ZNF79: variants seen among roughly 807,000 people sequenced by gnomAD.
ZNF79 encodes ZNFpT7.
ZNF79 carries 13 observed loss-of-function variants against 14.9 expected under a neutral mutation model. The observed-to-expected ratio is 0.87, with a 90% confidence interval of 0.57 to 1.38. The LOEUF (loss-of-function observed/expected upper bound fraction) is 1.38, where lower values mean the gene tolerates loss of function less well. Ranked by LOEUF, ZNF79 falls within the 40% of genes most tolerant of loss-of-function variation. The probability of loss-of-function intolerance (pLI) is 0.00; values close to 1 mark genes in which losing one functional copy is unlikely to be tolerated. For missense variants in ZNF79, 631 were observed against 630.6 expected (o/e 1.00, Z -0.01); for synonymous variants, 223 against 235.1 (o/e 0.95, Z 0.47).
At chr9:127,426,643 G>A (rs1477538011) in intron 1 of ZNF79, among the ~76,000 whole-genome samples, 3 of 152,176 alleles carry the variant, frequency 2.0e-5, no homozygotes, top group Non-Finnish European at 4.4e-5. Flanking sequence ...GACCTTTTGT[G>A]TCTCGCTTAG....
intron 4 of ZNF79, among the ~76,000 whole-genome samples, chr9:127,442,501 A>G (rs903732009): frequency 1.8e-4 from 28 of 152,156 alleles, no homozygotes; most frequent in African/African-American, 5.6e-4. Flanking sequence ...TGGAGCTTGC[A>G]GGACTCTGGG....
chr9:127,432,241 G>A (rs1045510447), intron 2 of ZNF79, among the ~76,000 whole-genome samples: 42 of 149,928 alleles, frequency 2.8e-4, no homozygotes, highest in African/African-American at 9.8e-4. Flanking sequence ...TCCGCCTCCC[G>A]GGTTCATGCC....
At chr9:127,430,361 A>G (rs984144803) in intron 2 of ZNF79, among the ~76,000 whole-genome samples, 1 of 152,160 alleles carries the variant, frequency 6.6e-6, no homozygotes, top group African/African-American at 2.4e-5. Flanking sequence ...ATGATGTACC[A>G]TCACTCAGGT....
At chr9:127,443,818 G>A (rs754708443) in intron 4 of ZNF79, among the ~76,000 whole-genome samples, 6 of 150,108 alleles carry the variant, frequency 4.0e-5, no homozygotes, top group African/African-American at 7.4e-5. Flanking sequence ...GGAGAATGGC[G>A]TGAACCCAGG....
At chr9:127,444,001 A>T (rs1303998237) in intron 4 of ZNF79, 28 bp from the exon 5 acceptor site, 1 of 1,542,510 alleles carries the variant, frequency 6.5e-7, no homozygotes, top group Admixed American at 1.9e-5. Context: ...CACCAAGGGA[A>T]CACAACAGCT....
Position 127,444,890 on chromosome 9 carries a change from C to G in ZNF79, c.1190C>G (p.Ala397Gly). The change falls in exon 5 of 5, where the codon GCC (alanine) becomes GGC (glycine). Residue 397 changes from alanine to glycine, a missense_variant. Transcript: ENST00000342483. ...TACAAGTGCAGCGAGTGTGGGAAGG[C>G]CTTCAGCCAGAGTACCAATCTCATA... ...KPYKCSECGK[A>G]FSQSTNLIIH... 6.2e-7 allele frequency: 1 copy of G among 1,614,170 alleles called. No homozygotes were observed.
chr9:127,434,805 C>T (rs530049789), intron 2 of ZNF79, among the ~76,000 whole-genome samples: 6 of 152,262 alleles, frequency 3.9e-5, no homozygotes, highest in South Asian at 2.1e-4. Context: ...CGCACCACCA[C>T]GCCCAACTAA....
At chr9:127,440,658 T>C (rs547689310) in intron 4 of ZNF79, among the ~76,000 whole-genome samples, 2 of 152,260 alleles carry the variant, frequency 1.3e-5, no homozygotes, top group South Asian at 2.1e-4. Flanking sequence ...TTCAGCGTTA[T>C]GTGTGAAGAA....
chr9:127,438,972 C>A (rs1159068569), intron 4 of ZNF79, among the ~76,000 whole-genome samples: 2 of 151,988 alleles, frequency 1.3e-5, no homozygotes, highest in Non-Finnish European at 2.9e-5. Context: ...ATTAGCTGGG[C>A]ATGGTAGCAC....
At chr9:127,426,326 T>G (rs1833752025) in intron 1 of ZNF79, among the ~76,000 whole-genome samples, 1 of 151,966 alleles carries the variant, frequency 6.6e-6, no homozygotes, top group Non-Finnish European at 1.5e-5. Flanking sequence ...TCTGTCACTA[T>G]GGATTTGCCT....
At chr9:127,430,953 A>G (rs1833849424) in intron 2 of ZNF79, among the ~76,000 whole-genome samples, 1 of 151,914 alleles carries the variant, frequency 6.6e-6, no homozygotes, top group South Asian at 2.1e-4. Flanking sequence ...GTTATTTTTT[A>G]CTTTGTCATA....
chr9:127,433,025 A>G (rs1037211747), intron 2 of ZNF79, among the ~76,000 whole-genome samples: 4 of 152,104 alleles, frequency 2.6e-5, no homozygotes, highest in African/African-American at 9.7e-5. Flanking sequence ...CAGGTGATCC[A>G]CCTGCTTTGG....
At position 127,435,141 on chromosome 9, in the gene ZNF79, AGGT is replaced by A. The variant is rs1564233897; in HGVS notation, c.159_161del (p.Arg53_Cys54delinsSer). 38 of 1,613,168 alleles carry A rather than the reference AGGT, an allele frequency of 2.4e-5. No individual in the cohort carries two copies. Among genetic ancestry groups the A allele is most frequent in the Non-Finnish European group, 3.1e-5 (37 of 1,179,564 alleles). On this transcript the variant is annotated inframe_deletion, in exon 3 of 5. Transcript: ENST00000342483. ...GGTAGCTTTTGCACAGGAAAGGTGG[AGGT>A]GCCTCGTGTCTACTCCACGGGACAG... is the stretch of plus-strand genomic sequence containing the variant.
intron 4 of ZNF79, among the ~76,000 whole-genome samples, chr9:127,437,347 C>CG (rs1554750091): frequency 6.6e-6 from 1 of 151,708 alleles, no homozygotes; most frequent in Non-Finnish European, 1.5e-5. Context: ...GGCCCCCCCC[C>CG]GCTGCCTGGG....
chr9:127,426,372 C>CT lies in ZNF79; in HGVS notation c.16+1588dup, dbSNP rs34029339. ...AAATAAGTGGACTCATAATATGTGACTTTTTTTTTTTTTTTTTTTGAGACG... is the reference window on the plus strand; with the variant it reads ...AAATAAGTGGACTCATAATATGTGACTTTTTTTTTTTTTTTTTTTTGAGACG... On this transcript the variant is annotated intron_variant, in intron 1 of 4. Coordinates refer to ENST00000342483, the MANE Select transcript of ZNF79 (RefSeq NM_007135.3). Among the ~76,000 whole-genome samples, 413 of 128,474 alleles carry CT rather than the reference C, an allele frequency of 3.2e-3. 1 individual carries two copies. Among genetic ancestry groups the CT allele is most frequent in the South Asian group, 7.8e-3 (31 of 3,994 alleles). The allele number at this position is 128,474 out of a possible 152,430, so 84.3% of individuals were successfully genotyped here. A position where few individuals can be genotyped will look rare whatever the true frequency, so the allele number is the denominator to read the frequency against.
chr9:127,441,616 A>T (rs537735476), intron 4 of ZNF79, among the ~76,000 whole-genome samples: 12 of 152,202 alleles, frequency 7.9e-5, no homozygotes, highest in East Asian at 7.7e-4. Flanking sequence ...GTTCGAGACC[A>T]GCCTGACCAA....
intron 1 of ZNF79, among the ~76,000 whole-genome samples, chr9:127,428,108 G>GT (rs1833793764): frequency 6.6e-6 from 1 of 151,886 alleles, no homozygotes; most frequent in Non-Finnish European, 1.5e-5. Flanking sequence ...AGTCCCCCAA[G>GT]TAGCTAGGGC....
In ZNF79 at chr9:127,444,651, T is replaced by G. The variant is rs1209873734; in HGVS notation, c.951T>G (p.Ser317Arg). The G allele has an allele frequency of 1.9e-6, 3 of 1,612,246 alleles. No individual in the cohort carries two copies. The highest frequency in any genetic ancestry group is 1.3e-5 in the African/African-American group (1 of 74,304). The change falls in exon 5 of 5, where the codon AGT (serine) becomes AGG (arginine). Residue 317 changes from serine (S) to arginine (R), a missense_variant. Physicochemically the swap from Ser to Arg is moderately radical, Grantham distance 110 (BLOSUM62 -1). Transcript: ENST00000342483. ...ACTGTGGGAAGGCCTTCCGTCACAGTGCAAACCTCACGAACCATCAGAGGA... is the reference window on the plus strand; with the variant it reads ...ACTGTGGGAAGGCCTTCCGTCACAGGGCAAACCTCACGAACCATCAGAGGA... ...CSDCGKAFRH[S>R]ANLTNHQRTH...
At chr9:127,431,369 G>A (rs184719367) in intron 2 of ZNF79, among the ~76,000 whole-genome samples, 50 of 151,212 alleles carry the variant, frequency 3.3e-4, no homozygotes, top group Admixed American at 3.0e-3. Flanking sequence ...AGCGATTCTC[G>A]TGCCTCAGCC....
Sources: allele counts gnomAD v4.1 joint callset (sites outside exome capture counted in the v4.1 genomes callset), GRCh38; gene constraint gnomAD v4.1.1; transcripts MANE v1.5; gene names NCBI Gene and HGNC (gene_info 2026-07-23, HGNC 2026-07-21).